NRXN1: variants seen among roughly 807,000 people sequenced by gnomAD.
NRXN1 encodes the protein neurexin-1.
Under a neutral mutation model 150.9 loss-of-function variants are expected in NRXN1, and 39 were observed. The observed-to-expected ratio is 0.26, with a 90% confidence interval of 0.20 to 0.34. The LOEUF (loss-of-function observed/expected upper bound fraction) is 0.34. Among genes scored for constraint, NRXN1 ranks in the 10% least tolerant of loss-of-function variants. The probability of loss-of-function intolerance (pLI) is 1.00; values close to 1 mark genes in which losing one functional copy is unlikely to be tolerated. For synonymous variants in NRXN1, 924 were observed against 757.0 expected, an observed-to-expected ratio of 1.22 and a Z score of -3.62; for missense variants, 1,815 against 1,949.9, an observed-to-expected ratio of 0.93 and a Z score of 1.30.
chr2:50,419,040 A>T (rs2083767456), intron 17 of NRXN1, among the ~76,000 whole-genome samples: 1 of 152,094 alleles, frequency 6.6e-6, no homozygotes, highest in Non-Finnish European at 1.5e-5. Flanking sequence ...AAGACAAAAT[A>T]CACAATTGAG....
rs1277895762 is a variant in NRXN1, at chr2:50,635,317, C to T, written c.833-11702G>A. Among the ~76,000 whole-genome samples, 8 of 149,232 alleles carry T rather than the reference C, an allele frequency of 5.4e-5. No individual in the cohort carries two copies. The South Asian group carries it at 1.5e-3, about 28-fold the overall frequency. ...GGATTACAGGTGCCCGCCACCATGC[C>T]TAGCTTTTTTTTTTTTTTTCTGTAT... On this transcript the variant is annotated intron_variant, in intron 5 of 22. Transcript: ENST00000401669.
chr2:50,204,326 A>C (rs1216514352), intron 18 of NRXN1, among the ~76,000 whole-genome samples: 2 of 143,386 alleles, frequency 1.4e-5, no homozygotes, highest in African/African-American at 5.3e-5. Flanking sequence ...TTTGAAATAA[A>C]AATATAAGAA....
chr2:49,956,573 A>G (rs1291043055), intron 21 of NRXN1, among the ~76,000 whole-genome samples: 1 of 152,124 alleles, frequency 6.6e-6, no homozygotes, highest in East Asian at 1.9e-4. Flanking sequence ...AGGAAAAAAG[A>G]TCTCACATAG....
At chr2:50,934,133 A>C (rs1033526758) in intron 2 of NRXN1, among the ~76,000 whole-genome samples, 2 of 152,154 alleles carry the variant, frequency 1.3e-5, no homozygotes, top group African/African-American at 4.8e-5. Flanking sequence ...GCATGTGTGT[A>C]TCTCTCTAAC....
intron 8 of NRXN1, among the ~76,000 whole-genome samples, chr2:50,581,788 C>A (rs1054670561): frequency 2.6e-5 from 4 of 152,088 alleles, no homozygotes; most frequent in East Asian, 3.9e-4. Context: ...GGAGCCAAAC[C>A]AGGTTATCTT....
At chr2:50,489,138 G>A (rs920454482) in intron 15 of NRXN1, among the ~76,000 whole-genome samples, 34 of 137,156 alleles carry the variant, frequency 2.5e-4, no homozygotes, top group African/African-American at 1.1e-3. Context: ...CACACTTGGC[G>A]TGGAAAAGCT....
chr2:50,645,052 C>T (rs1476171320), intron 5 of NRXN1, among the ~76,000 whole-genome samples: 1 of 151,714 alleles, frequency 6.6e-6, no homozygotes, highest in Admixed American at 6.6e-5. Flanking sequence ...TTTCTGAATA[C>T]AAAATGTCTT....
chr2:50,660,054 T>C (rs1574003286), intron 5 of NRXN1, among the ~76,000 whole-genome samples: 2 of 152,038 alleles, frequency 1.3e-5, no homozygotes, highest in Non-Finnish European at 2.9e-5. Flanking sequence ...CAGGGGGCAC[T>C]AAACAAATAC....
intron 17 of NRXN1, among the ~76,000 whole-genome samples, chr2:50,264,893 G>A (rs754506395): frequency 6.6e-6 from 1 of 152,118 alleles, no homozygotes; most frequent in Non-Finnish European, 1.5e-5. Context: ...ACTAGGACCA[G>A]CAGAAGCTTG....
chr2:50,647,728 G>C (rs1447136235), intron 5 of NRXN1, among the ~76,000 whole-genome samples: 2 of 151,752 alleles, frequency 1.3e-5, no homozygotes, highest in African/African-American at 4.8e-5. Context: ...TTAAAATTCA[G>C]GAAAGTTTGT....
chr2:50,795,919 T>C (rs1706758864), intron 5 of NRXN1, among the ~76,000 whole-genome samples: 1 of 151,960 alleles, frequency 6.6e-6, no homozygotes, highest in South Asian at 2.1e-4. Context: ...ATTAGCCCAA[T>C]AATGTACTGA....
At chr2:50,147,385 C>T (rs2058406925) in intron 18 of NRXN1, among the ~76,000 whole-genome samples, 2 of 151,616 alleles carry the variant, frequency 1.3e-5, no homozygotes, top group South Asian at 4.1e-4. Context: ...AATAACTTGT[C>T]TTAGGTATTT....
At chr2:50,988,790 T>C (rs184739590) in intron 2 of NRXN1, among the ~76,000 whole-genome samples, 1 of 151,956 alleles carries the variant, frequency 6.6e-6, no homozygotes, top group South Asian at 2.1e-4. Flanking sequence ...CCCAGTTTAT[T>C]AGCTGTATGA....
chr2:50,516,001 G>A (rs954542996), intron 12 of NRXN1, among the ~76,000 whole-genome samples: 1 of 152,072 alleles, frequency 6.6e-6, no homozygotes, highest in East Asian at 1.9e-4. Flanking sequence ...AAATTCAAAG[G>A]AGATTAACTC....
intron 3 of NRXN1, among the ~76,000 whole-genome samples, chr2:50,922,979 T>C (rs1686295762): frequency 6.6e-6 from 1 of 151,814 alleles, no homozygotes; most frequent in Non-Finnish European, 1.5e-5. Context: ...ACCAAACCCC[T>C]CAATATTACA....
rs865919991 is a variant in NRXN1 at position 50,635,151 on chromosome 2, C to A, written c.833-11536G>T. 1.2e-4 allele frequency among the ~76,000 whole-genome samples: 18 copies of A among 150,610 alleles called. No homozygotes were observed. The Middle Eastern group carries it at 0.021, about 174-fold the overall frequency. ...CTGGCTGCACCGAATGTTGCTGGTA[C>A]AGATTAAATTCTTCTTTTTTTTTTT... On this transcript the variant is annotated intron_variant, in intron 5 of 22. Transcript: ENST00000401669.
At chr2:50,793,657 G>A (rs1012891295) in intron 5 of NRXN1, among the ~76,000 whole-genome samples, 2 of 152,024 alleles carry the variant, frequency 1.3e-5, no homozygotes, top group African/African-American at 4.8e-5. Flanking sequence ...CCTCACATTA[G>A]CCTTGGGCAG....
intron 18 of NRXN1, among the ~76,000 whole-genome samples, chr2:50,196,284 A>T (rs2061758651): frequency 6.6e-6 from 1 of 152,068 alleles, no homozygotes; most frequent in South Asian, 2.1e-4. Flanking sequence ...TGGGGTTCTA[A>T]TTTCTATAGC....
At chr2:50,240,894 G>T (rs1331947964) in intron 17 of NRXN1, among the ~76,000 whole-genome samples, 1 of 151,784 alleles carries the variant, frequency 6.6e-6, no homozygotes, top group African/African-American at 2.4e-5. Flanking sequence ...TGTGTGTGCT[G>T]TAAAAATATA....
Sources: allele counts gnomAD v4.1 joint callset (sites outside exome capture counted in the v4.1 genomes callset), GRCh38; gene constraint gnomAD v4.1.1; transcripts MANE v1.5; gene names NCBI Gene and HGNC (gene_info 2026-07-23, HGNC 2026-07-21).